The following CEP350 variants were observed in gnomAD, a reference collection of about 807,000 sequenced individuals.
CEP350 encodes centrosomal protein 350, also known as centrosome-associated protein 350.
Under a neutral mutation model 331.8 loss-of-function variants are expected in CEP350, and 126 were observed. The observed-to-expected ratio is 0.38, with a 90% CI of 0.33 to 0.44. The LOEUF (loss-of-function observed/expected upper bound fraction) is 0.44. CEP350 is among the 20% of genes least tolerant of loss of function. CEP350 has a pLI of 1.00. For synonymous variants in CEP350, 1,200 were observed against 1,259.5 expected, an observed-to-expected ratio of 0.95 and a Z score of 1.00; for missense variants, 3,406 against 3,634.6, an observed-to-expected ratio of 0.94 and a Z score of 1.62.
chr1:179,994,035 C>A (rs1653290236), intron 5 of CEP350, among the ~76,000 whole-genome samples: 1 of 152,108 alleles, frequency 6.6e-6, no homozygotes, highest in Non-Finnish European at 1.5e-5. Context: ...ACTCTCAAGG[C>A]CTTAGCTTAA....
intron 37 of CEP350, 84 bp from the exon 38 acceptor site, chr1:180,110,911 ATG>A: frequency 1.8e-6 from 2 of 1,131,766 alleles, no homozygotes; most frequent in Non-Finnish European, 2.6e-6. Context: ...CTGTATTCCT[ATG>A]GATAGGACTA....
intron 29 of CEP350, among the ~76,000 whole-genome samples, chr1:180,079,319 C>G (rs1170487869): frequency 2.6e-5 from 4 of 150,986 alleles, no homozygotes; most frequent in Non-Finnish European, 5.9e-5. Flanking sequence ...GTTAAAGCCT[C>G]TTTATGTTTA....
At chr1:180,084,365 TTTTA>T (rs1369131212) in intron 31 of CEP350, 187 bp downstream of exon 31, 21 of 446,532 alleles carry the variant, frequency 4.7e-5, no homozygotes, top group Non-Finnish European at 7.3e-5. Context: ...TTAAATTTTA[TTTTA>T]TTTATTTATT....
At chr1:180,015,210 GTTTATTTATTTATTTATTTATTTATTTA>G (rs112553202) in intron 10 of CEP350, among the ~76,000 whole-genome samples, 2 of 143,480 alleles carry the variant, frequency 1.4e-5, no homozygotes, top group African/African-American at 5.3e-5. Context: ...CTAGGAAATT[GTTTATTTATTTATTTATTTATTTATTTA>G]TTTATTTATT....
At chr1:180,099,279 G>A (rs887545991) in intron 37 of CEP350, among the ~76,000 whole-genome samples, 1 of 152,188 alleles carries the variant, frequency 6.6e-6, no homozygotes, top group Non-Finnish European at 1.5e-5. Flanking sequence ...GGACTCTGGA[G>A]CCTGACTGCC....
chr1:180,076,030 T>C (rs1014131782), intron 28 of CEP350, among the ~76,000 whole-genome samples: 1 of 152,086 alleles, frequency 6.6e-6, no homozygotes, highest in African/African-American at 2.4e-5. Context: ...TAAATTCTTC[T>C]AAAAAATACA....
At chr1:180,006,366 A>G (rs1294875026) in intron 7 of CEP350, 88 bp from the exon 8 acceptor site, 6 of 724,864 alleles carry the variant, frequency 8.3e-6, no homozygotes, top group Non-Finnish European at 1.5e-5. Context: ...TGCAGCATAT[A>G]CTTTATACAG....
chr1:180,032,947 G>A (rs187873538), intron 15 of CEP350, among the ~76,000 whole-genome samples: 7 of 152,112 alleles, frequency 4.6e-5, no homozygotes, highest in African/African-American at 1.2e-4. Flanking sequence ...AAAATTAAGG[G>A]TCAAATAAAC....
intron 6 of CEP350, among the ~76,000 whole-genome samples, chr1:180,001,144 T>C (rs183142961): frequency 6.6e-6 from 1 of 152,374 alleles, no homozygotes; most frequent in East Asian, 1.9e-4. Flanking sequence ...TTTGATAAGT[T>C]GAGCCCATCT....
chr1:180,031,148 G>T (rs1006111724), intron 14 of CEP350, among the ~76,000 whole-genome samples, 172 bp from the exon 15 acceptor site: 1 of 152,012 alleles, frequency 6.6e-6, no homozygotes, highest in African/African-American at 2.4e-5. Context: ...AGAGACAGAA[G>T]GATGAACTGC....
chr1:180,098,205 G>T (rs755797753), intron 36 of CEP350, among the ~76,000 whole-genome samples: 4 of 152,116 alleles, frequency 2.6e-5, no homozygotes, highest in Non-Finnish European at 5.9e-5. Flanking sequence ...CCCGACCTCA[G>T]GTGATCCGCC....
In CEP350 at chr1:180,020,130, A is replaced by C; in HGVS notation, c.2356A>C (p.Asn786His). The C allele has an allele frequency of 6.2e-7, 1 of 1,614,046 alleles. No individual in the cohort carries two copies. Among genetic ancestry groups the C allele is most frequent in the Non-Finnish European group, 8.5e-7 (1 of 1,179,888 alleles). ...ESILPTRKNHNMASRPLTFTP... is the reference protein window; with the variant it reads ...ESILPTRKNHHMASRPLTFTP... ...TATTTTACCAACCAGGAAGAATCAT[A>C]ATATGGCTTCAAGGCCATTAACTTT... Residue 786 changes from asparagine to histidine, a missense_variant, in exon 12 of 38, where the codon AAT becomes CAT. Physicochemically the swap from Asn to His is moderately conservative, Grantham distance 68. This residue lies in a region of CEP350 where 1,857 missense variants were observed against 1,909.2 expected (regional missense o/e 0.97). Coordinates refer to ENST00000367607, the MANE Select transcript of CEP350 (RefSeq NM_014810.5).
intron 25 of CEP350, among the ~76,000 whole-genome samples, chr1:180,061,123 A>G (rs1450597488): frequency 6.6e-6 from 1 of 152,204 alleles, no homozygotes; most frequent in Non-Finnish European, 1.5e-5. Context: ...AAAAATCTCA[A>G]TGATTAAAAT....
At chr1:180,074,249 C>T (rs1659080961) in intron 27 of CEP350, among the ~76,000 whole-genome samples, 1 of 152,120 alleles carries the variant, frequency 6.6e-6, no homozygotes, top group South Asian at 2.1e-4. Context: ...TTATTAGTAG[C>T]CTCTAAACTA....
At chr1:180,096,273 G>A (rs1487740254) in intron 36 of CEP350, 89 bp downstream of exon 36, 1 of 1,402,474 alleles carries the variant, frequency 7.1e-7, no homozygotes, top group Admixed American at 2.7e-5. Context: ...GTGCTCTTCT[G>A]TATGATTAAC....
chr1:180,094,102 A>G lies in CEP350; in HGVS notation c.7997A>G (p.Asn2666Ser). The change falls in exon 34 of 38, where the codon AAC becomes AGC. Residue 2666 changes from asparagine to serine, a missense_variant. By Grantham distance (46) the Asn-to-Ser change is conservative. This residue lies in a region of CEP350 where 1,415 missense variants were observed against 1,512.3 expected (regional missense o/e 0.94). Transcript: ENST00000367607. ...GATTCACAGATTTCTTCAAAGGAAA[A>G]CAAAGACCTCATTTCTGATGCCACA... Reference protein sequence around the residue: ...SVDSQISSKENKDLISDATEK... With the variant: ...SVDSQISSKESKDLISDATEK... 6.2e-7 allele frequency: 1 copy of G among 1,613,926 alleles called. No homozygotes were observed. The highest frequency in any genetic ancestry group is 8.5e-7 in the Non-Finnish European group (1 of 1,179,838).
At chr1:180,071,505 G>A (rs1214564965) in intron 27 of CEP350, among the ~76,000 whole-genome samples, 4 of 151,138 alleles carry the variant, frequency 2.6e-5, no homozygotes, top group Non-Finnish European at 4.4e-5. Context: ...AGCTGTGCGC[G>A]GTGGCTCAGG....
Position 180,020,877 on chromosome 1 carries a change from G to A in CEP350, c.3103G>A (p.Ala1035Thr), listed in dbSNP as rs1229720601. 6.2e-7 allele frequency: 1 copy of A among 1,613,442 alleles called. No homozygotes were observed. The highest frequency in any genetic ancestry group is 1.3e-5 in the African/African-American group (1 of 74,908). Residue 1035 changes from alanine to threonine, a missense_variant, in exon 12 of 38, where the codon GCT (alanine) becomes ACT (threonine). By Grantham distance (58) the Ala-to-Thr change is moderately conservative (BLOSUM62 0). Around this residue, in one of 5 missense-constraint regions of CEP350, gnomAD observed 1,857 missense variants for 1,909.2 expected, o/e 0.97. Transcript: ENST00000367607. ...YEPIKEFQKE[A>T]EKFLPLFGHI... ...ACCCATCAAAGAGTTTCAGAAAGAA[G>A]CTGAAAAATTCTTGCCACTTTTTGG...
At chr1:180,076,261 A>G (rs1346567051) in intron 28 of CEP350, among the ~76,000 whole-genome samples, 1 of 152,188 alleles carries the variant, frequency 6.6e-6, no homozygotes, top group Non-Finnish European at 1.5e-5. Flanking sequence ...TTATGAGGCT[A>G]GTATATAAGT....
Sources: gnomAD v4.1 joint callset for allele counts (sites outside exome capture counted in the v4.1 genomes callset) on GRCh38, gnomAD v4.1.1 for gene constraint, gnomAD v4.1.1 regional missense constraint, MANE v1.5 for transcripts, NCBI Gene and HGNC (gene_info 2026-07-23, HGNC 2026-07-21) for gene names.